CCDC27: variants seen among roughly 807,000 people sequenced by gnomAD.
CCDC27 encodes coiled-coil domain-containing protein 27.
In CCDC27, 80 loss-of-function variants were observed where a neutral mutation model predicts 80.3. The observed-to-expected ratio is 1.00, with a 90% CI of 0.83 to 1.20. The LOEUF is 1.20. CCDC27 is among the 50% of genes most tolerant of loss of function. CCDC27 has a pLI of 0.00. For missense variants in CCDC27, 815 were observed against 809.4 expected (o/e 1.01, Z -0.08); for synonymous variants, 342 against 334.3 (o/e 1.02, Z -0.25).
intron 8 of CCDC27, among the ~76,000 whole-genome samples, chr1:3,765,763 G>A (rs754646734): frequency 2.6e-5 from 4 of 152,148 alleles, no homozygotes; most frequent in Admixed American, 6.5e-5. Flanking sequence ...TCCAATGTTC[G>A]AGTTGACTGG....
At chr1:3,764,828 G>A (rs1361777882) in intron 8 of CCDC27, among the ~76,000 whole-genome samples, 1 of 152,098 alleles carries the variant, frequency 6.6e-6, no homozygotes, top group Non-Finnish European at 1.5e-5. Context: ...CTCAGGTCAG[G>A]AGTTCAAGAC....
Position 3,763,192 on chromosome 1 carries a change from C to T in CCDC27, c.1039C>T (p.Pro347Ser). ...GGAGGACGAGGGCCTGGAAGGGGAG[C>T]CCGATGGGGTGGAGGACACGGGTGC... The part of the protein sequence containing the change: ...GEEDEGLEGE[P>S]DGVEDTGAWG... Residue 347 changes from proline (P) to serine (S), a missense_variant, in exon 7 of 12, where the codon CCC (proline) becomes TCC (serine). Physicochemically the swap from Pro to Ser is moderately conservative, Grantham distance 74. Transcript: ENST00000294600. The surrounding 1 kb of genome is among the most constrained non-coding windows in gnomAD (Gnocchi z 7.5). 2 of 1,514,386 alleles carry T rather than the reference C, an allele frequency of 1.3e-6. No individual in the cohort carries two copies. Among genetic ancestry groups the T allele is most frequent in the Non-Finnish European group, 1.8e-6 (2 of 1,128,198 alleles). 93.8% of individuals were successfully genotyped at this position (1,514,386 alleles called of 1,614,324 possible). A position where few individuals can be genotyped will look rare whatever the true frequency, so the allele number is the denominator to read the frequency against.
At chr1:3,754,919 C>A (rs1368743296) in intron 2 of CCDC27, among the ~76,000 whole-genome samples, 2 of 152,180 alleles carry the variant, frequency 1.3e-5, no homozygotes, top group African/African-American at 4.8e-5. Context: ...AGGGCCCTCA[C>A]CTTTCTAGGC....
intron 4 of CCDC27, among the ~76,000 whole-genome samples, chr1:3,758,718 C>G (rs1383520911): frequency 6.6e-6 from 1 of 152,176 alleles, no homozygotes; most frequent in Non-Finnish European, 1.5e-5. Flanking sequence ...ACCTCAGCCT[C>G]TCGAATAGCT....
chr1:3,759,191 C>T (rs1397630400), intron 4 of CCDC27, among the ~76,000 whole-genome samples: 1 of 151,184 alleles, frequency 6.6e-6, no homozygotes, highest in East Asian at 1.9e-4. Flanking sequence ...CACGCCAGCC[C>T]AGGCGACAGT....
At chr1:3,756,345 G>GAAA (rs535731871) in intron 3 of CCDC27, 5,935 of 138,090 alleles carry the variant, frequency 0.043, 278 homozygotes, top group East Asian at 0.23. Flanking sequence ...ATCTCAAAAA[G>GAAA]AAAAAAAAAA....
chr1:3,763,390 G>A lies in CCDC27; in HGVS notation c.1237G>A (p.Ala413Thr), dbSNP rs1194019983. ...LAESFEEELL[A>T]QLEEYEQVIL... ...CGAGTCGTTTGAGGAGGAGCTGCTG[G>A]CCCAGCTGGAGGAGTACGAGCAGGT... Residue 413 changes from alanine to threonine, a missense_variant, in exon 7 of 12, where the codon GCC becomes ACC. Transcript: ENST00000294600. This position sits in a 1 kb window ranked among gnomAD's most constrained non-coding sequence, Gnocchi z 7.5. The A allele has an allele frequency of 6.2e-7, 1 of 1,613,002 alleles. No homozygotes were observed. The highest frequency in any genetic ancestry group is 8.5e-7 in the Non-Finnish European group (1 of 1,179,980).
Position 3,768,055 on chromosome 1 carries a change from C to G in CCDC27, c.1743+610C>G, listed in dbSNP as rs2124597773. Reference sequence around the variant, plus strand: ...AGAGTGTGCCCTGCTTGTGAGGGCCCCATGCCAAAAAGGAAATCAATAAAG... The same window carrying G: ...AGAGTGTGCCCTGCTTGTGAGGGCCGCATGCCAAAAAGGAAATCAATAAAG... On this transcript the variant is annotated intron_variant, in intron 10 of 11. Transcript: ENST00000294600. The surrounding 1 kb of genome is among the most constrained non-coding windows in gnomAD (Gnocchi z 5.6). 6.6e-6 allele frequency among the ~76,000 whole-genome samples: 1 copy of G among 151,480 alleles called. No individual in the cohort carries two copies. Among genetic ancestry groups the G allele is most frequent in the Non-Finnish European group, 1.5e-5 (1 of 67,888 alleles).
chr1:3,756,357 AAG>A (rs1553152642), intron 3 of CCDC27: 12 of 160,064 alleles, frequency 7.5e-5, no homozygotes, highest in South Asian at 3.5e-4. Context: ...AAAAAAAAAA[AAG>A]AGAGATGGGA....
intron 8 of CCDC27, among the ~76,000 whole-genome samples, chr1:3,764,412 C>CA (rs1360315777): frequency 6.6e-6 from 1 of 152,142 alleles, no homozygotes; most frequent in Non-Finnish European, 1.5e-5. Context: ...CTCTAAATAG[C>CA]ATGCTCATAG....
intron 1 of CCDC27, among the ~76,000 whole-genome samples, chr1:3,753,238 G>T (rs1352887062): frequency 2.6e-5 from 4 of 152,152 alleles, no homozygotes; most frequent in Non-Finnish European, 5.9e-5. Context: ...GGGAGCCCGA[G>T]ATGGTCACCC....
Position 3,754,142 on chromosome 1 carries a change from C to T in CCDC27, c.343C>T (p.Leu115Phe). 1 of 1,613,686 alleles carries T rather than the reference C, an allele frequency of 6.2e-7. No homozygotes were observed. The highest frequency in any genetic ancestry group is 8.5e-7 in the Non-Finnish European group (1 of 1,179,854). Residue 115 changes from leucine to phenylalanine, a missense_variant, in exon 2 of 12, where the codon CTC (leucine) becomes TTC (phenylalanine). Leu to Phe is a conservative substitution (Grantham distance 22). Coordinates refer to ENST00000294600, the MANE Select transcript of CCDC27 (RefSeq NM_152492.3). ...KTSEPKDAASLTGFMSKMELR... is the reference protein window; with the variant it reads ...KTSEPKDAASFTGFMSKMELR... The stretch of plus-strand genomic sequence containing the variant: ...GAGTGAACCCAAGGATGCCGCCAGC[C>T]TCACCGGCTTCATGTCCAAAATGGA...
rs1643226853 is a variant in CCDC27 at position 3,766,335 on chromosome 1, T to C, written c.1453-200T>C. ...CTATTTGGCTTTCTTGGATCTGGGA[T>C]GTCAGATACCACTCAGCCACCTTCA... On this transcript the variant is annotated intron_variant, in intron 8 of 11. Transcript: ENST00000294600. The surrounding 1 kb of genome is among the most constrained non-coding windows in gnomAD (Gnocchi z 6.1). Among the ~76,000 whole-genome samples, 2 of 152,222 alleles carry C rather than the reference T, an allele frequency of 1.3e-5. 1 individual carries two copies. Among genetic ancestry groups the C allele is most frequent in the South Asian group, 4.1e-4 (2 of 4,836 alleles).
Position 3,760,304 on chromosome 1 carries a change from C to T in CCDC27, c.712-977C>T, listed in dbSNP as rs76582618. On this transcript the variant is annotated intron_variant, in intron 4 of 11. Transcript: ENST00000294600. This position sits in a 1 kb window ranked among gnomAD's most constrained non-coding sequence, Gnocchi z 4.3. ...ATTCCCCAAATGTTAAATGTGGCCA[C>T]GTTTGCTTTATCCTTCTCTCCTCTC... 0.017 allele frequency among the ~76,000 whole-genome samples: 2,630 copies of T among 152,204 alleles called. 44 individuals are homozygous for T. The highest frequency in any genetic ancestry group is 0.039 in the African/African-American group (1,631 of 41,520).
At position 3,756,830 on chromosome 1, in the gene CCDC27, C is replaced by T. The variant is rs551665924; in HGVS notation, c.651C>T (p.Val217=). Residue 217 remains valine (V), a synonymous_variant, in exon 4 of 12, where the codon GTC becomes GTT. Transcript: ENST00000294600. ...TGAGTCCGGTCACCAGCAGCTCAGT[C>T]GCATCTCAGAGCTGCCTGAGAAAGA... ...QTLSPVTSSS[V]ASQSCLRKRM... 71 of 1,613,932 alleles carry T rather than the reference C, an allele frequency of 4.4e-5. No homozygotes were observed. Among genetic ancestry groups the T allele is most frequent in the East Asian group, 3.1e-4 (14 of 44,874 alleles).
intron 3 of CCDC27, chr1:3,756,374 T>G (rs1570701874): frequency 6.2e-6 from 1 of 161,136 alleles, no homozygotes; most frequent in Non-Finnish European, 1.3e-5. Context: ...ATGGGAAAAC[T>G]GAGGCTCCAG....
rs964883711 is a variant in CCDC27 at position 3,761,577 on chromosome 1, C to G, written c.861+147C>G. 1.2e-5 allele frequency: 11 copies of G among 937,010 alleles called. No individual in the cohort carries two copies. The Admixed American group carries it at 3.4e-4, about 29-fold the overall frequency. The allele number at this position is 937,010 out of a possible 1,614,324, so 58.0% of individuals were successfully genotyped here. On this transcript the variant is annotated intron_variant, in intron 5 of 11. Transcript: ENST00000294600. This position sits in a 1 kb window ranked among gnomAD's most constrained non-coding sequence, Gnocchi z 5.0. ...CCTCACTGGAACGTGGACCGGTTCTCAGGGTTCTGATCAACAGGCAGGGGA... is the reference window on the plus strand; with the variant it reads ...CCTCACTGGAACGTGGACCGGTTCTGAGGGTTCTGATCAACAGGCAGGGGA...
chr1:3,764,552 C>T (rs1643181552), intron 8 of CCDC27, among the ~76,000 whole-genome samples: 1 of 152,168 alleles, frequency 6.6e-6, no homozygotes, highest in Non-Finnish European at 1.5e-5. Context: ...CATTCTATCA[C>T]AATCAATGTT....
chr1:3,760,631 C>T lies in CCDC27; in HGVS notation c.712-650C>T, dbSNP rs1643063028. Among the ~76,000 whole-genome samples, 1 of 152,202 alleles carries T rather than the reference C, an allele frequency of 6.6e-6. No homozygotes were observed. The highest frequency in any genetic ancestry group is 1.5e-5 in the Non-Finnish European group (1 of 68,024). Reference sequence around the variant, plus strand: ...TTTCTTTTTTGACCCATTGGCTACACAGAAGCCTATCACTTACTTTCCAAA... The same window carrying T: ...TTTCTTTTTTGACCCATTGGCTACATAGAAGCCTATCACTTACTTTCCAAA... On this transcript the variant is annotated intron_variant, in intron 4 of 11. Coordinates refer to ENST00000294600, the MANE Select transcript of CCDC27 (RefSeq NM_152492.3). This position sits in a 1 kb window ranked among gnomAD's most constrained non-coding sequence, Gnocchi z 4.3.
Sources: gnomAD v4.1 joint callset for allele counts (sites outside exome capture counted in the v4.1 genomes callset) on GRCh38, gnomAD v4.1.1 for gene constraint, Gnocchi (gnomAD v3.1) non-coding constraint, MANE v1.5 for transcripts, NCBI Gene and HGNC (gene_info 2026-07-23, HGNC 2026-07-21) for gene names.